The following FER variants were observed in gnomAD, a reference collection of about 807,000 sequenced individuals.
FER encodes the protein FER tyrosine kinase.
FER carries 63 observed loss-of-function variants against 111.0 expected under a neutral mutation model. That is an observed-to-expected ratio of 0.57 (90% CI 0.46 to 0.70). FER has a LOEUF of 0.70. FER is among the 30% of genes least tolerant of loss of function. FER has a pLI of 0.00. For missense variants in FER, 914 were observed against 954.0 expected, an observed-to-expected ratio of 0.96 and a Z score of 0.55; for synonymous variants, 327 against 313.9, an observed-to-expected ratio of 1.04 and a Z score of -0.44.
chr5:108,914,767 G>A (rs184393183), intron 10 of FER, among the ~76,000 whole-genome samples: 177 of 152,278 alleles, frequency 1.2e-3, no homozygotes, highest in Middle Eastern at 0.01. Flanking sequence ...AGTTGCTGAT[G>A]ATTAATTTAG....
chr5:109,052,476 T>C (rs1358029678), intron 16 of FER: 9 of 1,068,134 alleles, frequency 8.4e-6, no homozygotes, highest in Non-Finnish European at 1.2e-5. Context: ...GGCACCACTC[T>C]TTTGCTTAAA....
chr5:108,993,202 G>A (rs1417175347), intron 13 of FER, among the ~76,000 whole-genome samples: 1 of 152,232 alleles, frequency 6.6e-6, no homozygotes, highest in East Asian at 1.9e-4. Flanking sequence ...GGGAGGTGGA[G>A]GTTGTGGCGA....
In FER at chr5:108,755,068, C is replaced by T. The variant is rs551553628; in HGVS notation, c.-206+7068C>T. On this transcript the variant is annotated intron_variant, in intron 1 of 19. Transcript: ENST00000281092. ...TTTAATGGAAAAGTTTAAGTGATCC[C>T]TTCAGACCCGTACAATCCGGTAAGG... Among the ~76,000 whole-genome samples the T allele has an allele frequency of 9.9e-5, 15 of 152,278 alleles. No homozygotes were observed. In the South Asian group the frequency reaches 3.1e-3, roughly 32 times the overall value.
At chr5:109,072,463 T>C (rs1287267653) in intron 16 of FER, among the ~76,000 whole-genome samples, 9 of 151,800 alleles carry the variant, frequency 5.9e-5, no homozygotes, top group Admixed American at 5.9e-4. Context: ...CCCAGGACTT[T>C]GAAAACTCAG....
chr5:109,062,423 G>C (rs1426448987), intron 16 of FER, among the ~76,000 whole-genome samples: 8 of 152,130 alleles, frequency 5.3e-5, no homozygotes, highest in Non-Finnish European at 1.2e-4. Context: ...TTACTTGGGA[G>C]GCTGAGGCAG....
chr5:109,021,717 G>T (rs968555467), intron 13 of FER, among the ~76,000 whole-genome samples: 2 of 151,948 alleles, frequency 1.3e-5, no homozygotes, highest in Non-Finnish European at 2.9e-5. Flanking sequence ...TGTCTTCTAT[G>T]AATAAGATTA....
At chr5:109,002,938 T>C (rs907942480) in intron 13 of FER, among the ~76,000 whole-genome samples, 1 of 152,180 alleles carries the variant, frequency 6.6e-6, no homozygotes, top group African/African-American at 2.4e-5. Context: ...CCAGTTAGAA[T>C]GGCGATCATT....
intron 16 of FER, among the ~76,000 whole-genome samples, chr5:109,054,450 G>C (rs544059939): frequency 6.6e-6 from 1 of 152,234 alleles, no homozygotes; most frequent in African/African-American, 2.4e-5. Flanking sequence ...AAATCGTCTT[G>C]CCTATTTTAA....
intron 13 of FER, among the ~76,000 whole-genome samples, chr5:108,993,140 G>T (rs888038353): frequency 1.3e-5 from 2 of 152,034 alleles, no homozygotes; most frequent in African/African-American, 4.8e-5. Context: ...ACGGGGTGGC[G>T]GCCGGGCAGA....
intron 13 of FER, among the ~76,000 whole-genome samples, chr5:109,024,870 A>G (rs898239356): frequency 1.6e-4 from 24 of 151,430 alleles, no homozygotes; most frequent in South Asian, 8.4e-4. Context: ...CATTTATTAA[A>G]TAGGGAATCC....
intron 17 of FER, among the ~76,000 whole-genome samples, chr5:109,112,125 C>G (rs1749691176): frequency 6.6e-6 from 1 of 151,066 alleles, no homozygotes; most frequent in Non-Finnish European, 1.5e-5. Flanking sequence ...GTTAACCTAC[C>G]TCACAGTCAC....
intron 16 of FER, among the ~76,000 whole-genome samples, chr5:109,098,182 T>C (rs1378664493): frequency 1.3e-5 from 2 of 151,776 alleles, no homozygotes; most frequent in South Asian, 2.1e-4. Flanking sequence ...TTTCATTCAT[T>C]ATTTAATGCT....
intron 13 of FER, among the ~76,000 whole-genome samples, chr5:109,022,436 C>G (rs1768055273): frequency 6.6e-6 from 1 of 152,048 alleles, no homozygotes; most frequent in South Asian, 2.1e-4. Context: ...GAGACTTCTC[C>G]TATACTGCCA....
At chr5:108,823,216 G>T in intron 3 of FER, among the ~76,000 whole-genome samples, 1 of 152,154 alleles carries the variant, frequency 6.6e-6, no homozygotes, top group East Asian at 1.9e-4. Context: ...CAAATAATAT[G>T]CAAGCTGTAG....
At chr5:108,887,944 G>A (rs1747425129) in intron 9 of FER, among the ~76,000 whole-genome samples, 1 of 151,730 alleles carries the variant, frequency 6.6e-6, no homozygotes, top group African/African-American at 2.4e-5. Context: ...ATTTAATTTT[G>A]TATTGTCTTA....
At chr5:108,864,979 C>G (rs1313257497) in intron 5 of FER, among the ~76,000 whole-genome samples, 1 of 152,036 alleles carries the variant, frequency 6.6e-6, no homozygotes, top group Non-Finnish European at 1.5e-5. Flanking sequence ...ATTGATTCTT[C>G]CTACCCATGA....
chr5:108,988,433 C>T (rs1762813909), intron 13 of FER, among the ~76,000 whole-genome samples: 1 of 151,900 alleles, frequency 6.6e-6, no homozygotes, highest in Admixed American at 6.6e-5. Flanking sequence ...TTTTTGTTGG[C>T]AAGTTTTTAT....
intron 16 of FER, among the ~76,000 whole-genome samples, chr5:109,062,406 A>G (rs1774531444): frequency 6.6e-6 from 1 of 152,082 alleles, no homozygotes; most frequent in Non-Finnish European, 1.5e-5. Flanking sequence ...TACACCTGTA[A>G]TCTCAGTTAC....
At chr5:108,975,896 CTG>C (rs138550112) in intron 13 of FER, among the ~76,000 whole-genome samples, 1,537 of 152,204 alleles carry the variant, frequency 0.01, 21 homozygotes, top group African/African-American at 0.035. Flanking sequence ...ATGTCATGGA[CTG>C]AGATGCTATA....
Sources: gnomAD v4.1 joint callset for allele counts (sites outside exome capture counted in the v4.1 genomes callset) on GRCh38, gnomAD v4.1.1 for gene constraint, MANE v1.5 for transcripts, NCBI Gene and HGNC (gene_info 2026-07-23, HGNC 2026-07-21) for gene names.